PACS1: variants seen among roughly 807,000 people sequenced by gnomAD.
PACS1 encodes phosphofurin acidic cluster sorting protein 1, also known as PACS-1.
In PACS1, 24 loss-of-function variants were observed where a neutral mutation model predicts 115.0. The ratio of observed to expected loss-of-function variants is 0.21; its 90% CI spans 0.15 to 0.29. The LOEUF (loss-of-function observed/expected upper bound fraction) is 0.29, where lower values mean the gene tolerates loss of function less well. Ranked by LOEUF, PACS1 falls within the 10% of genes least tolerant of loss-of-function variation. The probability of loss-of-function intolerance (pLI) is 1.00; values close to 1 mark genes in which losing one functional copy is unlikely to be tolerated. For missense variants in PACS1, 838 were observed against 1,251.2 expected, an observed-to-expected ratio of 0.67 and a Z score of 4.98; for synonymous variants, 453 against 504.5, an observed-to-expected ratio of 0.90 and a Z score of 1.37.
intron 10 of PACS1, 45 bp from the exon 11 acceptor site, chr11:66,227,459 G>A (rs751413174): frequency 1.9e-6 from 2 of 1,053,302 alleles, no homozygotes; most frequent in Non-Finnish European, 3.0e-6. Context: ...AATTAAAGTG[G>A]TAGTTATTTG....
At chr11:66,160,663 A>ATTTTTTTTT (rs58145434) in intron 1 of PACS1, among the ~76,000 whole-genome samples, 4 of 116,218 alleles carry the variant, frequency 3.4e-5, no homozygotes, top group African/African-American at 1.4e-4. Flanking sequence ...TGCCTGGCTG[A>ATTTTTTTTT]TTTTTTTTTT....
At chr11:66,168,925 C>A (rs1423288198) in intron 1 of PACS1, among the ~76,000 whole-genome samples, 1 of 150,340 alleles carries the variant, frequency 6.7e-6, no homozygotes, top group Non-Finnish European at 1.5e-5. Context: ...CTGGATTTCC[C>A]AAATGGGCTA....
At chr11:66,202,604 A>C (rs1475733956) in intron 2 of PACS1, among the ~76,000 whole-genome samples, 1 of 151,404 alleles carries the variant, frequency 6.6e-6, no homozygotes, top group Non-Finnish European at 1.5e-5. Context: ...ATTGATGCCA[A>C]ATGGCTGGGT....
At chr11:66,179,119 A>T (rs1348619338) in intron 1 of PACS1, among the ~76,000 whole-genome samples, 2 of 152,138 alleles carry the variant, frequency 1.3e-5, no homozygotes, top group Non-Finnish European at 2.9e-5. Flanking sequence ...AATTTTTGCC[A>T]GTCTGGTAAA....
chr11:66,112,415 C>T (rs1322824325), intron 1 of PACS1, among the ~76,000 whole-genome samples: 7 of 152,214 alleles, frequency 4.6e-5, no homozygotes, highest in African/African-American at 7.2e-5. Context: ...ATGGCTGTCC[C>T]GTTGGTGTCA....
intron 1 of PACS1, among the ~76,000 whole-genome samples, chr11:66,078,121 G>C (rs1220677819): frequency 2.0e-5 from 3 of 152,152 alleles, no homozygotes; most frequent in African/African-American, 7.2e-5. Flanking sequence ...GTAATGATCT[G>C]TGTCCACTCT....
At chr11:66,199,329 AAG>A (rs1386666437) in intron 2 of PACS1, among the ~76,000 whole-genome samples, 3 of 151,652 alleles carry the variant, frequency 2.0e-5, no homozygotes, top group African/African-American at 4.8e-5. Context: ...AAAAAAAAAA[AAG>A]AGGGAGGGGG....
intron 1 of PACS1, 35 bp from the exon 2 acceptor site, chr11:66,193,451 G>T (rs370349736): frequency 1.4e-6 from 2 of 1,435,396 alleles, no homozygotes; most frequent in South Asian, 1.1e-5. Flanking sequence ...CAAGTTCCTC[G>T]CATATGACAG....
At chr11:66,240,344 C>T (rs768348547) in intron 21 of PACS1, among the ~76,000 whole-genome samples, 65 of 152,228 alleles carry the variant, frequency 4.3e-4, no homozygotes, top group Admixed American at 2.7e-3. Context: ...ACAAGAAGGC[C>T]GAGGTGAGGA....
chr11:66,210,493 T>C, intron 3 of PACS1, 42 bp downstream of exon 3: 4 of 1,355,980 alleles, frequency 2.9e-6, no homozygotes, highest in Non-Finnish European at 4.2e-6. Flanking sequence ...TGCTATATCC[T>C]GGCTAGTCCC....
Position 66,070,562 on chromosome 11 carries a change from G to T in PACS1, c.76G>T (p.Ala26Ser). The T allele has an allele frequency of 1.4e-6, 2 of 1,463,902 alleles. No individual in the cohort carries two copies. The highest frequency in any genetic ancestry group is 9.0e-7 in the Non-Finnish European group (1 of 1,114,158). 90.7% of individuals were successfully genotyped at this position (1,463,902 alleles called of 1,614,324 possible). The change falls in exon 1 of 24, where the codon GCC becomes TCC. Residue 26 changes from alanine to serine, a missense_variant. This residue lies in a region of PACS1 where 129 missense variants were observed against 109.4 expected (regional missense o/e 1.18). Transcript: ENST00000320580. The surrounding 1 kb of genome is among the most constrained non-coding windows in gnomAD (Gnocchi z 5.9). ...CAGCGGCCAGCGGGGATCCGGGGTC[G>T]CCCAGTCCCCTCAGCAGCCGCCGCC... ...GGSGQRGSGV[A>S]QSPQQPPPQQ...
At position 66,167,693 on chromosome 11, in the gene PACS1, A is replaced by C. The variant is rs561719702; in HGVS notation, c.357-25793A>C. 2.0e-5 allele frequency among the ~76,000 whole-genome samples: 3 copies of C among 150,360 alleles called. No individual in the cohort carries two copies. The South Asian group carries it at 6.2e-4, about 31-fold the overall frequency. On this transcript the variant is annotated intron_variant, in intron 1 of 23. Transcript: ENST00000320580. ...TAAGTATTTAAGCTACATGAAGACT[A>C]TTTTTATGTATGGTGTGAGGTGTGG... is the stretch of plus-strand genomic sequence containing the variant.
intron 19 of PACS1, chr11:66,238,458 C>A: frequency 2.2e-6 from 1 of 450,792 alleles, no homozygotes; most frequent in Non-Finnish European, 3.0e-6. Flanking sequence ...TACAGCTGGG[C>A]TGCTCCAGAT....
intron 1 of PACS1, among the ~76,000 whole-genome samples, chr11:66,187,091 A>G (rs1590805423): frequency 1.3e-5 from 2 of 152,136 alleles, no homozygotes; most frequent in East Asian, 3.9e-4. Flanking sequence ...TGTGTACTAC[A>G]TTTTGTTTGT....
chr11:66,241,255 T>A (rs543127547), intron 21 of PACS1, 172 bp from the exon 22 acceptor site: 1 of 557,218 alleles, frequency 1.8e-6, no homozygotes, highest in African/African-American at 1.9e-5. Flanking sequence ...TGTTCTCAGA[T>A]CAGCCTGATT....
chr11:66,094,745 A>G (rs1857739517), intron 1 of PACS1, among the ~76,000 whole-genome samples: 1 of 152,038 alleles, frequency 6.6e-6, no homozygotes, highest in Admixed American at 6.5e-5. Context: ...CACAACCAAA[A>G]AAGAGAATTT....
At position 66,232,992 on chromosome 11, in the gene PACS1, G is replaced by A. The variant is rs1421207947; in HGVS notation, c.1764G>A (p.Lys588=). ...YVAELLQDQR[K]PVVCTCSTVE... ...CTGAGCTGCTCCAGGACCAGCGGAA[G>A]CCTGTGGTGTGCACCTGCTCCACCG... The change falls in exon 15 of 24, where the codon AAG becomes AAA. Residue 588 remains lysine, a synonymous_variant. Coordinates refer to ENST00000320580, the MANE Select transcript of PACS1 (RefSeq NM_018026.4). 3.1e-6 allele frequency: 5 copies of A among 1,612,948 alleles called. No individual in the cohort carries two copies. The highest frequency in any genetic ancestry group is 4.2e-6 in the Non-Finnish European group (5 of 1,180,006).
intron 1 of PACS1, among the ~76,000 whole-genome samples, chr11:66,086,920 T>G (rs1008062736): frequency 6.6e-6 from 1 of 152,072 alleles, no homozygotes; most frequent in Non-Finnish European, 1.5e-5. Context: ...CAAACACCTT[T>G]TGAGCACGTT....
chr11:66,174,627 AAAG>A (rs1859810704), intron 1 of PACS1, among the ~76,000 whole-genome samples: 1 of 152,244 alleles, frequency 6.6e-6, no homozygotes, highest in African/African-American at 2.4e-5. Flanking sequence ...ATGTTAAATG[AAAG>A]AAGCCAGACA....
Sources: gnomAD v4.1 joint callset for allele counts (sites outside exome capture counted in the v4.1 genomes callset) on GRCh38, gnomAD v4.1.1 for gene constraint, gnomAD v4.1.1 regional missense constraint, Gnocchi (gnomAD v3.1) non-coding constraint, MANE v1.5 for transcripts, NCBI Gene and HGNC (gene_info 2026-07-23, HGNC 2026-07-21) for gene names.